PCM1: variants seen among roughly 807,000 people sequenced by gnomAD.
PCM1 encodes the protein pericentriolar material 1 protein.
PCM1 carries 157 observed loss-of-function variants against 241.9 expected under a neutral mutation model. That is an observed-to-expected ratio of 0.65 (90% confidence interval 0.57 to 0.74). PCM1 has a LOEUF of 0.74. Among genes scored for constraint, PCM1 ranks in the 30% least tolerant of loss-of-function variants. PCM1 has a pLI of 0.00. For missense variants in PCM1, 3,478 were observed against 2,360.1 expected (o/e 1.47, Z -9.81); for synonymous variants, 1,085 against 784.9 (o/e 1.38, Z -6.39).
rs747875326 is a variant in PCM1, at chr8:17,962,209, G to A, written c.2463+35G>A. ...ATTGTACTCTCTTGTTCCTGAGTTA[G>A]TCTTTTGTTTTCCTTTTTTTTTCTT... On this transcript the variant is annotated intron_variant, in intron 16 of 38. Transcript: ENST00000325083. The A allele has an allele frequency of 1.3e-5, 20 of 1,549,138 alleles. No individual in the cohort carries two copies. In the South Asian group the frequency reaches 2.3e-4, roughly 18 times the overall value.
At chr8:17,936,846 T>C (rs115914535) in intron 3 of PCM1, among the ~76,000 whole-genome samples, 306 of 152,322 alleles carry the variant, frequency 2.0e-3, no homozygotes, top group Middle Eastern at 0.01. Flanking sequence ...AAAAATCCTC[T>C]TGGAAATATT....
intron 23 of PCM1, among the ~76,000 whole-genome samples, chr8:17,977,895 G>C (rs2129474072): frequency 6.6e-6 from 1 of 152,300 alleles, no homozygotes; most frequent in African/African-American, 2.4e-5. Flanking sequence ...CCAGCCTTAA[G>C]AGAAGGTGAG....
At chr8:18,009,519 A>C in intron 30 of PCM1, 28 bp from the exon 31 acceptor site, 4 of 1,460,426 alleles carry the variant, frequency 2.7e-6, no homozygotes. Flanking sequence ...TACTGTCTTT[A>C]AAAATTATTT....
chr8:17,962,201 CTGAG>C (rs1436051306), intron 16 of PCM1, 27 bp downstream of exon 16: 4 of 1,564,232 alleles, frequency 2.6e-6, no homozygotes, highest in Non-Finnish European at 3.5e-6. Context: ...TCTCTTGTTC[CTGAG>C]TTAGTCTTTT....
chr8:17,928,752 C>G (rs867107730), intron 2 of PCM1, among the ~76,000 whole-genome samples: 1 of 151,458 alleles, frequency 6.6e-6, no homozygotes. Flanking sequence ...CTGCCTCAGC[C>G]TCTCTTGTAG....
In PCM1 at chr8:17,962,079, C is replaced by T. The variant is rs1272767267; in HGVS notation, c.2368C>T (p.Pro790Ser). The T allele has an allele frequency of 6.2e-7, 1 of 1,611,300 alleles. No individual in the cohort carries two copies. The highest frequency in any genetic ancestry group is 1.3e-5 in the African/African-American group (1 of 74,862). Residue 790 changes from proline to serine, a missense_variant, in exon 16 of 39, where the codon CCA (proline) becomes TCA (serine). Physicochemically the swap from Pro to Ser is moderately conservative, Grantham distance 74. Coordinates refer to ENST00000325083, the MANE Select transcript of PCM1 (RefSeq NM_006197.4). Reference sequence around the variant, plus strand: ...TAACTGTCCCACCAAAAAATATATGCCAGCTGTTACTTCAACCCCAACTGT... The same window carrying T: ...TAACTGTCCCACCAAAAAATATATGTCAGCTGTTACTTCAACCCCAACTGT... ...VGNCPTKKYM[P>S]AVTSTPTVNQ...
chr8:17,966,518 T>G, intron 20 of PCM1, 45 bp downstream of exon 20: 4 of 1,563,802 alleles, frequency 2.6e-6, no homozygotes, highest in Non-Finnish European at 3.5e-6. Flanking sequence ...AGAGCTAACA[T>G]TGAGCAGAGG....
intron 33 of PCM1, 129 bp from the exon 34 acceptor site, chr8:18,011,538 A>ATACATTCTGTTTGAGGATTTCAGATAC (rs2092509020): frequency 9.2e-7 from 1 of 1,092,836 alleles, no homozygotes; most frequent in African/African-American, 1.6e-5. Flanking sequence ...TAAGTTTTTA[A>ATACATTCTGTTTGAGGATTTCAGATAC]TACATTCTGT....
rs781505690 is a variant in PCM1, at chr8:17,957,657, A to G, written c.1922A>G (p.His641Arg). 8 of 1,603,236 alleles carry G rather than the reference A, an allele frequency of 5.0e-6. No individual in the cohort carries two copies. The highest frequency in any genetic ancestry group is 3.3e-4 in the Middle Eastern group (2 of 6,046). Residue 641 changes from histidine (H) to arginine (R), a missense_variant, in exon 13 of 39, where the codon CAC becomes CGC. Transcript: ENST00000325083. ...GTCAGTGGAGCTTCATTATCTAGTC[A>G]CAGGAGCAGTCTGGTTGATGAGCAT... The part of the protein sequence containing the change: ...EGVSGASLSS[H>R]RSSLVDEHPE...
At chr8:18,010,828 A>C (rs7814947) in intron 32 of PCM1, among the ~76,000 whole-genome samples, 160 bp downstream of exon 32, 4,197 of 152,242 alleles carry the variant, frequency 0.028, 199 homozygotes, top group African/African-American at 0.096. Flanking sequence ...TAAAAATACA[A>C]AAATTAGCCA....
At chr8:17,943,897 G>GC in intron 6 of PCM1, among the ~76,000 whole-genome samples, 1 of 152,220 alleles carries the variant, frequency 6.6e-6, no homozygotes, top group South Asian at 2.1e-4. Context: ...AAGGTTGAAA[G>GC]CAACCTTGAG....
At chr8:17,941,761 GGT>G (rs145472358) in intron 6 of PCM1, among the ~76,000 whole-genome samples, 3,434 of 152,192 alleles carry the variant, frequency 0.023, 67 homozygotes, top group Non-Finnish European at 0.032. Context: ...AAAAGGGAAA[GGT>G]GACAGACCTC....
At chr8:17,958,893 T>C (rs981058236) in intron 13 of PCM1, among the ~76,000 whole-genome samples, 28 of 152,160 alleles carry the variant, frequency 1.8e-4, no homozygotes, top group African/African-American at 6.5e-4. Context: ...GGCTAATGTT[T>C]GTATTTTTAG....
intron 36 of PCM1, chr8:18,015,703 T>C (rs2093098602): frequency 6.6e-6 from 1 of 152,172 alleles, no homozygotes; most frequent in African/African-American, 2.4e-5. Flanking sequence ...TGTCTCAGAT[T>C]TGTCTTTTAC....
chr8:17,936,179 A>G (rs1369246802), intron 3 of PCM1, among the ~76,000 whole-genome samples: 1 of 152,084 alleles, frequency 6.6e-6, no homozygotes, highest in Non-Finnish European at 1.5e-5. Flanking sequence ...TCTTAGTTCC[A>G]ATTTGAAATT....
At chr8:18,018,605 G>A (rs180814999) in intron 36 of PCM1, among the ~76,000 whole-genome samples, 24 of 152,044 alleles carry the variant, frequency 1.6e-4, no homozygotes, top group African/African-American at 5.5e-4. Context: ...GAGGTCAAGA[G>A]ATTGAGACCA....
intron 34 of PCM1, among the ~76,000 whole-genome samples, 195 bp downstream of exon 34, chr8:18,012,022 G>C (rs111512856): frequency 6.6e-6 from 1 of 152,132 alleles, no homozygotes; most frequent in African/African-American, 2.4e-5. Context: ...ACAGGGTCTT[G>C]CTCAGTCTTC....
rs1420152688 is a variant in PCM1 at position 17,947,335 on chromosome 8, G to T, written c.933G>T (p.Glu311Asp). 1 of 1,605,646 alleles carries T rather than the reference G, an allele frequency of 6.2e-7. No individual in the cohort carries two copies. Among genetic ancestry groups the T allele is most frequent in the Non-Finnish European group, 8.5e-7 (1 of 1,176,794 alleles). ...AALLALQHKA[E>D]QAIAVMDDSV... ...TTCTAGCTCTGCAACATAAAGCAGA[G>T]CAAGCTATTGCAGTGATGGATGATT... is the stretch of plus-strand genomic sequence containing the variant. The change falls in exon 7 of 39, where the codon GAG (glutamate) becomes GAT (aspartate). Residue 311 changes from glutamate (E) to aspartate (D), a missense_variant. Transcript: ENST00000325083.
At chr8:17,955,213 C>G (rs780023924) in intron 9 of PCM1, among the ~76,000 whole-genome samples, 1 of 151,996 alleles carries the variant, frequency 6.6e-6, no homozygotes, top group African/African-American at 2.4e-5. Flanking sequence ...CATCTTTTTT[C>G]TTTCCTTTCT....
Sources: allele counts gnomAD v4.1 joint callset (sites outside exome capture counted in the v4.1 genomes callset), GRCh38; gene constraint gnomAD v4.1.1; transcripts MANE v1.5; gene names NCBI Gene and HGNC (gene_info 2026-07-23, HGNC 2026-07-21).